RGPD8: variants seen among roughly 807,000 people sequenced by gnomAD.
RGPD8 encodes the protein RANBP2 like and GRIP domain containing 8, also known as RANBP2-like and GRIP domain-containing protein 8.
In RGPD8, 15 loss-of-function variants were observed where a neutral mutation model predicts 89.1. The ratio of observed to expected loss-of-function variants is 0.17; its 90% CI spans 0.11 to 0.26. The LOEUF (loss-of-function observed/expected upper bound fraction) is 0.26. RGPD8 is among the 10% of genes least tolerant of loss of function. The probability of loss-of-function intolerance (pLI) is 1.00; values close to 1 mark genes in which losing one functional copy is unlikely to be tolerated. For missense variants in RGPD8, 178 were observed against 1,179.6 expected, an observed-to-expected ratio of 0.15 and a Z score of 12.44; for synonymous variants, 62 against 420.9, an observed-to-expected ratio of 0.15 and a Z score of 10.44.
At chr2:112,427,945 G>A (rs1679845406) in intron 1 of RGPD8, among the ~76,000 whole-genome samples, 1 of 152,170 alleles carries the variant, frequency 6.6e-6, no homozygotes, top group African/African-American at 2.4e-5. Context: ...AGAAAAATTA[G>A]AGAAACTCCA....
At chr2:112,376,625 C>T (rs1405918653) in intron 22 of RGPD8, among the ~76,000 whole-genome samples, 1 of 150,522 alleles carries the variant, frequency 6.6e-6, no homozygotes, top group African/African-American at 2.4e-5. Context: ...ACCATCCTGG[C>T]CAACATGGTG....
At chr2:112,373,633 C>T (rs1350656076) in intron 22 of RGPD8, among the ~76,000 whole-genome samples, 3 of 151,486 alleles carry the variant, frequency 2.0e-5, no homozygotes, top group Non-Finnish European at 4.4e-5. Context: ...CATATTCTAA[C>T]GTTTCACATA....
intron 20 of RGPD8, among the ~76,000 whole-genome samples, chr2:112,382,487 CTG>C (rs1211274831): frequency 1.3e-5 from 2 of 151,980 alleles, no homozygotes; most frequent in Non-Finnish European, 2.9e-5. Context: ...GCTCTAAAGA[CTG>C]TGTGTATGTG....
At chr2:112,380,762 G>A (rs1409135674) in intron 21 of RGPD8, 62 bp downstream of exon 21, 2 of 1,357,766 alleles carry the variant, frequency 1.5e-6, no homozygotes, top group Admixed American at 1.9e-5. Context: ...GGGTGCATGT[G>A]TATGGAAGGT....
chr2:112,429,733 C>G (rs974115634), intron 1 of RGPD8, among the ~76,000 whole-genome samples: 2 of 152,086 alleles, frequency 1.3e-5, no homozygotes, highest in Non-Finnish European at 2.9e-5. Context: ...AATAAGAAAT[C>G]GACTTGACAG....
chr2:112,408,999 A>G (rs1679059816), intron 7 of RGPD8, among the ~76,000 whole-genome samples: 1 of 140,854 alleles, frequency 7.1e-6, no homozygotes, highest in African/African-American at 2.7e-5. Flanking sequence ...AAAAGGTTTC[A>G]AGATACTTTG....
intron 1 of RGPD8, among the ~76,000 whole-genome samples, chr2:112,430,797 C>T (rs548919005): frequency 5.9e-5 from 9 of 151,992 alleles, no homozygotes; most frequent in African/African-American, 1.9e-4. Context: ...CCCGTCTCTA[C>T]ATTAAAGAAA....
chr2:112,422,790 T>C, intron 2 of RGPD8, 131 bp from the exon 3 acceptor site: 1 of 540,486 alleles, frequency 1.9e-6, no homozygotes, highest in East Asian at 3.1e-5. Flanking sequence ...TACCACTATT[T>C]ATGCAGATAA....
Position 112,390,108 on chromosome 2 carries a change from A to G in RGPD8, c.2837T>C (p.Leu946Ser), listed in dbSNP as rs772544753. Residue 946 changes from leucine to serine, a missense_variant, in exon 20 of 23, where the codon TTA becomes TCA. Leu to Ser is a moderately radical substitution (Grantham distance 145, BLOSUM62 -2). Transcript: ENST00000302558. ...REKPLENDTGLQAQDIRGRKK... is the reference protein window; with the variant it reads ...REKPLENDTGSQAQDIRGRKK... ...CCGGCCCCTAATATCCTGAGCCTGT[A>G]AGCCAGTATCATTTTCAAGAGGCTT... 1 of 1,604,370 alleles carries G rather than the reference A, an allele frequency of 6.2e-7. No homozygotes were observed. The highest frequency in any genetic ancestry group is 8.5e-7 in the Non-Finnish European group (1 of 1,176,248).
intron 22 of RGPD8, among the ~76,000 whole-genome samples, chr2:112,374,151 CCT>C (rs1211556235): frequency 8.4e-6 from 1 of 118,782 alleles, no homozygotes; most frequent in African/African-American, 3.0e-5. Context: ...TCTGATGGGC[CCT>C]GTTTCCTTCA....
At chr2:112,402,410 G>A (rs1678896871) in intron 9 of RGPD8, among the ~76,000 whole-genome samples, 1 of 147,058 alleles carries the variant, frequency 6.8e-6, no homozygotes, top group Admixed American at 6.8e-5. Flanking sequence ...GGGAGGCCGA[G>A]GCAAGACAAT....
At chr2:112,426,266 T>A (rs2104834901) in intron 1 of RGPD8, among the ~76,000 whole-genome samples, 1 of 152,292 alleles carries the variant, frequency 6.6e-6, no homozygotes, top group East Asian at 1.9e-4. Context: ...AGCACTGCAA[T>A]ACTCCAACAA....
rs575393930 is a variant in RGPD8, at chr2:112,379,619, A to T, written c.5061+1205T>A. Among the ~76,000 whole-genome samples the T allele has an allele frequency of 6.0e-5, 7 of 117,344 alleles. 2 individuals carry two copies. Among genetic ancestry groups the T allele is most frequent in the African/African-American group, 1.9e-4 (7 of 35,916 alleles). 77.0% of individuals were successfully genotyped at this position (117,344 alleles called of 152,430 possible). ...AAAAAAAAAAACAAGAAAATATAAC[A>T]TTTAAATAAGTCATTTAGGTTTACT... On this transcript the variant is annotated intron_variant, in intron 21 of 22. Coordinates refer to ENST00000302558, the MANE Select transcript of RGPD8 (RefSeq NM_001164463.1).
intron 22 of RGPD8, among the ~76,000 whole-genome samples, chr2:112,371,065 T>A: frequency 6.6e-6 from 1 of 151,324 alleles, no homozygotes; most frequent in East Asian, 1.9e-4. Flanking sequence ...TTAAAAAAAA[T>A]TCTTTTAAAA....
intron 22 of RGPD8, among the ~76,000 whole-genome samples, chr2:112,371,833 G>A (rs1241686479): frequency 6.7e-6 from 1 of 148,280 alleles, no homozygotes; most frequent in Non-Finnish European, 1.5e-5. Flanking sequence ...ATGTATGACA[G>A]TTTGACCTTA....
At chr2:112,408,481 CAA>C (rs1244278186) in intron 7 of RGPD8, among the ~76,000 whole-genome samples, 1 of 136,886 alleles carries the variant, frequency 7.3e-6, no homozygotes, top group African/African-American at 2.8e-5. Flanking sequence ...AACATCATGT[CAA>C]AGTTTGTCAT....
chr2:112,416,088 CAAAAAAAAAAAAAAAAA>C (rs1168507298), intron 6 of RGPD8, among the ~76,000 whole-genome samples: 1 of 88,914 alleles, frequency 1.1e-5, no homozygotes, highest in African/African-American at 4.7e-5. Context: ...GACTCCATCT[CAAAAAAAAAAAAAAAAA>C]AAAAAAGAAA....
At position 112,390,114 on chromosome 2, in the gene RGPD8, G is replaced by C; in HGVS notation, c.2831C>G (p.Thr944Ser). 6.2e-7 allele frequency: 1 copy of C among 1,604,188 alleles called. No homozygotes were observed. The highest frequency in any genetic ancestry group is 8.5e-7 in the Non-Finnish European group (1 of 1,176,174). Residue 944 changes from threonine (T) to serine (S), a missense_variant, in exon 20 of 23, where the codon ACT (threonine) becomes AGT (serine). Thr to Ser is a moderately conservative substitution (Grantham distance 58). Coordinates refer to ENST00000302558, the MANE Select transcript of RGPD8 (RefSeq NM_001164463.1). ...CCTAATATCCTGAGCCTGTAAGCCAGTATCATTTTCAAGAGGCTTTTCCCT... is the reference window on the plus strand; with the variant it reads ...CCTAATATCCTGAGCCTGTAAGCCACTATCATTTTCAAGAGGCTTTTCCCT... ...KKREKPLEND[T>S]GLQAQDIRGR...
chr2:112,372,806 GCAAAT>G (rs1677993045), intron 22 of RGPD8, among the ~76,000 whole-genome samples: 2 of 66,942 alleles, frequency 3.0e-5, no homozygotes, highest in African/African-American at 1.7e-4. Context: ...TATATCCTCT[GCAAAT>G]CAAATCAGGC....
Sources: allele counts gnomAD v4.1 joint callset (sites outside exome capture counted in the v4.1 genomes callset), GRCh38; gene constraint gnomAD v4.1.1; transcripts MANE v1.5; gene names NCBI Gene and HGNC (gene_info 2026-07-23, HGNC 2026-07-21).